TM9SF4: variants seen among roughly 807,000 people sequenced by gnomAD.
The protein encoded by TM9SF4 is transmembrane 9 superfamily member 4, also known as dinucleotide oxidase disulfide thiol exchanger 3 superfamily member 4.
A neutral mutation model predicts 90.4 loss-of-function variants in TM9SF4; 26 were observed. That is an observed-to-expected ratio of 0.29 (90% CI 0.21 to 0.40). The LOEUF is 0.40. Ranked by LOEUF, TM9SF4 falls within the 10% of genes least tolerant of loss-of-function variation. TM9SF4 has a pLI of 1.00. For missense variants in TM9SF4, 549 were observed against 834.8 expected (o/e 0.66, Z 4.22); for synonymous variants, 293 against 315.4 (o/e 0.93, Z 0.75).
intron 12 of TM9SF4, among the ~76,000 whole-genome samples, chr20:32,153,078 T>C (rs897580695): frequency 1.3e-5 from 2 of 152,144 alleles, no homozygotes; most frequent in African/African-American, 4.8e-5. Context: ...CAGCCAGCAG[T>C]GGGGCCTAAG....
rs185102509 is a variant in TM9SF4, at chr20:32,123,267, T to C, written c.16-9746T>C. ...TTTTTTTTTTCTACGTAATAGCTTA[T>C]GTTGGCAGTACTTCAGTAACAGTTC... On this transcript the variant is annotated intron_variant, in intron 1 of 17. Transcript: ENST00000398022. Among the ~76,000 whole-genome samples the C allele has an allele frequency of 1.8e-3, 254 of 138,486 alleles. 1 individual carries two copies. The highest frequency in any genetic ancestry group is 6.4e-3 in the African/African-American group (243 of 38,068). The allele number at this position is 138,486 out of a possible 152,430, so 90.9% of individuals were successfully genotyped here.
chr20:32,149,620 G>T lies in TM9SF4; in HGVS notation c.955-14G>T. Reference sequence around the variant, plus strand: ...ATCTTCAACAACCAGCCTCACTCTGGCCCTTCGCTGCAGGAAGACACCATG... The same window carrying T: ...ATCTTCAACAACCAGCCTCACTCTGTCCCTTCGCTGCAGGAAGACACCATG... On this transcript the variant is annotated splice_polypyrimidine_tract_variant and intron_variant, in intron 9 of 17. Coordinates refer to ENST00000398022, the MANE Select transcript of TM9SF4 (RefSeq NM_014742.4). The T allele has an allele frequency of 6.2e-7, 1 of 1,614,130 alleles. No individual in the cohort carries two copies. The highest frequency in any genetic ancestry group is 8.5e-7 in the Non-Finnish European group (1 of 1,180,030).
chr20:32,124,525 C>T (rs1004125996), intron 1 of TM9SF4, among the ~76,000 whole-genome samples: 8 of 152,094 alleles, frequency 5.3e-5, no homozygotes, highest in Non-Finnish European at 1.0e-4. Context: ...GCTGTGTGAC[C>T]GTGGGTCTTT....
At chr20:32,130,686 A>C (rs547494393) in intron 1 of TM9SF4, among the ~76,000 whole-genome samples, 21 of 152,282 alleles carry the variant, frequency 1.4e-4, no homozygotes, top group African/African-American at 5.1e-4. Context: ...ATTCAAGCCA[A>C]CCCATACTAT....
At chr20:32,148,716 G>A (rs1341901486) in intron 9 of TM9SF4, among the ~76,000 whole-genome samples, 4 of 145,852 alleles carry the variant, frequency 2.7e-5, no homozygotes, top group African/African-American at 1.0e-4. Flanking sequence ...TGTTGCCCAG[G>A]CTGGAGTGCA....
intron 1 of TM9SF4, among the ~76,000 whole-genome samples, chr20:32,121,920 G>T (rs1288153917): frequency 1.4e-5 from 2 of 138,242 alleles, no homozygotes; most frequent in Admixed American, 7.1e-5. Flanking sequence ...GCGGCTGGCC[G>T]GGCGGGGGGC....
At chr20:32,151,396 G>A (rs958001055) in intron 12 of TM9SF4, among the ~76,000 whole-genome samples, 28 of 151,974 alleles carry the variant, frequency 1.8e-4, no homozygotes, top group African/African-American at 5.3e-4. Flanking sequence ...AGGGGGTCTC[G>A]AGATTGACCT....
chr20:32,136,169 T>A lies in TM9SF4; in HGVS notation c.225T>A (p.Asn75Lys). The change falls in exon 3 of 18, where the codon AAT becomes AAA. Residue 75 changes from asparagine (N) to lysine (K), a missense_variant. Asn to Lys is a moderately conservative substitution (Grantham distance 94, BLOSUM62 0). Transcript: ENST00000398022. Reference sequence around the variant, plus strand: ...GCAAGATAACCTACAAGGCAGAGAATCTGGGTAAGTTCTTCTCCCACACTG... The same window carrying A: ...GCAAGATAACCTACAAGGCAGAGAAACTGGGTAAGTTCTTCTCCCACACTG... ...QPSKITYKAE[N>K]LGEVLRGDRI... The A allele has an allele frequency of 6.2e-7, 1 of 1,614,116 alleles. No homozygotes were observed. Among genetic ancestry groups the A allele is most frequent in the Non-Finnish European group, 8.5e-7 (1 of 1,179,996 alleles).
intron 17 of TM9SF4, among the ~76,000 whole-genome samples, chr20:32,164,310 G>A (rs2047070046): frequency 6.6e-6 from 1 of 151,978 alleles, no homozygotes; most frequent in Non-Finnish European, 1.5e-5. Context: ...TTAAGTCCAA[G>A]TGTCTGAGAC....
intron 16 of TM9SF4, 99 bp from the exon 17 acceptor site, chr20:32,161,177 T>C (rs2047012974): frequency 1.1e-6 from 1 of 926,816 alleles, no homozygotes; most frequent in Non-Finnish European, 1.7e-6. Context: ...CATATGTTAC[T>C]GCTCTTACCA....
intron 1 of TM9SF4, among the ~76,000 whole-genome samples, chr20:32,117,432 C>T (rs2046242957): frequency 6.6e-6 from 1 of 152,144 alleles, no homozygotes; most frequent in South Asian, 2.1e-4. Context: ...AAAAAGTTAA[C>T]TTCTGGTTAC....
intron 1 of TM9SF4, among the ~76,000 whole-genome samples, chr20:32,111,727 TAA>T (rs1216895958): frequency 5.9e-5 from 9 of 152,002 alleles, no homozygotes. Context: ...AAAACATAAT[TAA>T]CAAGAAGGAA....
chr20:32,154,333 G>T (rs890768457), intron 12 of TM9SF4, among the ~76,000 whole-genome samples: 12 of 151,492 alleles, frequency 7.9e-5, no homozygotes, highest in Non-Finnish European at 1.2e-4. Context: ...TAAAGACAGG[G>T]TTTCACCATG....
rs752648381 is a variant in TM9SF4, at chr20:32,145,070, C to CT, written c.653-20dup. 8.7e-6 allele frequency: 14 copies of CT among 1,611,342 alleles called. No homozygotes were observed. The Admixed American group carries it at 2.0e-4, about 23-fold the overall frequency. On this transcript the variant is annotated intron_variant, in intron 6 of 17. Coordinates refer to ENST00000398022, the MANE Select transcript of TM9SF4 (RefSeq NM_014742.4). ...TGGCACTGGCCACCACAGGAACAGACTGAGTCTGTGTCTCTCTCAGACCTC... is the reference window on the plus strand; with the variant it reads ...TGGCACTGGCCACCACAGGAACAGACTTGAGTCTGTGTCTCTCTCAGACCTC...
chr20:32,163,268 A>AAATATATATATATATATATAT (rs1555886757), intron 17 of TM9SF4, among the ~76,000 whole-genome samples: 1 of 74,482 alleles, frequency 1.3e-5, no homozygotes, highest in African/African-American at 5.9e-5. Context: ...AAAAAAAAAA[A>AAATATATATATATATATATAT]ATATATATAT....
intron 1 of TM9SF4, among the ~76,000 whole-genome samples, chr20:32,127,321 A>G (rs760561171): frequency 2.0e-5 from 3 of 152,182 alleles, no homozygotes; most frequent in East Asian, 1.9e-4. Context: ...TTGTAATGCA[A>G]TTCATCTGCT....
At chr20:32,131,774 G>T (rs2046518269) in intron 1 of TM9SF4, among the ~76,000 whole-genome samples, 1 of 152,132 alleles carries the variant, frequency 6.6e-6, no homozygotes, top group African/African-American at 2.4e-5. Flanking sequence ...TCCTTGCAGG[G>T]GTGAAGCACT....
chr20:32,149,744 C>T lies in TM9SF4; in HGVS notation c.1065C>T (p.Phe355=). Reference sequence around the variant, plus strand: ...TGCTGGGCTCAGGCATTCAGCTGTTCTGTATGATCCTCATCGTCATCTGTG... The same window carrying T: ...TGCTGGGCTCAGGCATTCAGCTGTTTTGTATGATCCTCATCGTCATCTGTG... ...SSLLGSGIQL[F]CMILIVIFVA... The change falls in exon 10 of 18, where the codon TTC becomes TTT. Residue 355 remains phenylalanine, a synonymous_variant. Coordinates refer to ENST00000398022, the MANE Select transcript of TM9SF4 (RefSeq NM_014742.4). 6.2e-7 allele frequency: 1 copy of T among 1,614,222 alleles called. No individual in the cohort carries two copies. The highest frequency in any genetic ancestry group is 1.7e-5 in the Admixed American group (1 of 60,020).
In TM9SF4 at chr20:32,158,505, C is replaced by G. The variant is rs2046964482; in HGVS notation, c.1560C>G (p.Phe520Leu). The G allele has an allele frequency of 1.2e-6, 2 of 1,614,054 alleles. No individual in the cohort carries two copies. The highest frequency in any genetic ancestry group is 1.7e-6 in the Non-Finnish European group (2 of 1,180,030). ...GCGCCATGTTCATCGAGCTCTTCTT[C>G]ATCTTCAGTGTGAGTACTGGTGCCT... Reference protein sequence around the residue: ...PFGAMFIELFFIFSAIWENQF... With the variant: ...PFGAMFIELFLIFSAIWENQF... The change falls in exon 15 of 18, where the codon TTC becomes TTG. Residue 520 changes from phenylalanine (F) to leucine (L), a missense_variant. Physicochemically the swap from Phe to Leu is conservative, Grantham distance 22. Around this residue, in one of 2 missense-constraint regions of TM9SF4, gnomAD observed 495 missense variants for 711.7 expected, o/e 0.70. Transcript: ENST00000398022.
Sources: gnomAD v4.1 joint callset for allele counts (sites outside exome capture counted in the v4.1 genomes callset) on GRCh38, gnomAD v4.1.1 for gene constraint, gnomAD v4.1.1 regional missense constraint, MANE v1.5 for transcripts, NCBI Gene and HGNC (gene_info 2026-07-23, HGNC 2026-07-21) for gene names.